NOP14: variants seen among roughly 807,000 people sequenced by gnomAD.
NOP14 encodes the protein nucleolar protein 14.
Under a neutral mutation model 101.6 loss-of-function variants are expected in NOP14, and 57 were observed. The observed-to-expected ratio is 0.56, with a 90% CI of 0.45 to 0.70. NOP14 has a LOEUF of 0.70. NOP14 is among the 30% of genes least tolerant of loss of function. The pLI is 0.00. For synonymous variants in NOP14, 428 were observed against 424.0 expected, an observed-to-expected ratio of 1.01 and a Z score of -0.12; for missense variants, 1,134 against 1,075.5, an observed-to-expected ratio of 1.05 and a Z score of -0.76.
intron 1 of NOP14, among the ~76,000 whole-genome samples, chr4:2,958,483 A>G (rs1715499170): frequency 1.3e-5 from 2 of 152,226 alleles, no homozygotes; most frequent in Non-Finnish European, 2.9e-5. Flanking sequence ...AGGAACTGCC[A>G]TTACACTGGT....
intron 1 of NOP14, chr4:2,961,597 C>T (rs913549398): frequency 6.6e-6 from 1 of 152,298 alleles, no homozygotes; most frequent in Non-Finnish European, 1.5e-5. Flanking sequence ...CCTGCTGTCC[C>T]TCAGACAGCT....
chr4:2,957,918 C>A (rs1169509781), intron 1 of NOP14, among the ~76,000 whole-genome samples, 178 bp from the exon 2 acceptor site: 1 of 152,138 alleles, frequency 6.6e-6, no homozygotes, highest in Non-Finnish European at 1.5e-5. Flanking sequence ...TTGAGAAGAG[C>A]AAAACAACTT....
chr4:2,944,263 C>A (rs747432832), intron 12 of NOP14, 37 bp from the exon 13 acceptor site: 11 of 1,592,516 alleles, frequency 6.9e-6, no homozygotes, highest in Non-Finnish European at 9.4e-6. Context: ...TGTCCTGGGA[C>A]GATGTCATGC....
chr4:2,954,725 A>C (rs1251389416), intron 3 of NOP14, among the ~76,000 whole-genome samples, 162 bp from the exon 4 acceptor site: 3 of 152,210 alleles, frequency 2.0e-5, no homozygotes, highest in Non-Finnish European at 4.4e-5. Context: ...CCACAGGCAC[A>C]ATGGCACTTG....
At chr4:2,962,651 A>C (rs747304198) in intron 1 of NOP14, among the ~76,000 whole-genome samples, 1 of 151,932 alleles carries the variant, frequency 6.6e-6, no homozygotes, top group South Asian at 2.1e-4. Flanking sequence ...TATGTTCCTC[A>C]GTGAAAATTT....
chr4:2,956,862 CA>C (rs200756250), intron 2 of NOP14, 51 bp from the exon 3 acceptor site: 46,494 of 1,036,982 alleles, frequency 0.045, no homozygotes, highest in South Asian at 0.071. Context: ...CATTTCACAG[CA>C]AAAAAAAAAA....
chr4:2,947,875 C>A (rs867329023), intron 9 of NOP14, among the ~76,000 whole-genome samples: 14 of 152,250 alleles, frequency 9.2e-5, no homozygotes, highest in African/African-American at 2.7e-4. Context: ...TAGGAAAGCA[C>A]GACGAGGAAC....
In NOP14 at chr4:2,961,150, T is replaced by C. The variant is rs1236715547; in HGVS notation, c.195+1975A>G. ...ATAATAATATATTAATATACTAATA[T>C]AATAATATATTAATATGCTATTACA... is the stretch of plus-strand genomic sequence containing the variant. On this transcript the variant is annotated intron_variant, in intron 1 of 17. Coordinates refer to ENST00000416614, the MANE Select transcript of NOP14 (RefSeq NM_001291978.2). Among the ~76,000 whole-genome samples the C allele has an allele frequency of 5.0e-3, 220 of 43,606 alleles. 5 individuals carry two copies. The highest frequency in any genetic ancestry group is 0.023 in the African/African-American group (197 of 8,442). The allele number at this position is 43,606 out of a possible 152,430, so 28.6% of individuals were successfully genotyped here.
chr4:2,938,056 C>T lies in NOP14; in HGVS notation c.*775G>A. On this transcript the variant is annotated 3_prime_UTR_variant, in exon 18 of 18. Coordinates refer to ENST00000416614, the MANE Select transcript of NOP14 (RefSeq NM_001291978.2). ...ATCCCCAGTCCCCATGAGGCTTGTC[C>T]AGACGCAGTGAACCAGTCGCAGCTG... 2.0e-6 allele frequency: 1 copy of T among 490,418 alleles called. No individual in the cohort carries two copies. The highest frequency in any genetic ancestry group is 3.2e-6 in the Non-Finnish European group (1 of 309,948). The allele number at this position is 490,418 out of a possible 1,614,324, so 30.4% of individuals were successfully genotyped here.
intron 4 of NOP14, 96 bp downstream of exon 4, chr4:2,954,328 C>A: frequency 1.4e-6 from 2 of 1,386,810 alleles, no homozygotes; most frequent in South Asian, 2.8e-5. Flanking sequence ...AAATATTAAA[C>A]ACAGCCTAAA....
Position 2,939,566 on chromosome 4 carries a change from G to C in NOP14, c.2279C>G (p.Pro760Arg). The C allele has an allele frequency of 1.2e-6, 2 of 1,613,986 alleles. No individual in the cohort carries two copies. Among genetic ancestry groups the C allele is most frequent in the Non-Finnish European group, 8.5e-7 (1 of 1,180,022 alleles). The change falls in exon 16 of 18, where the codon CCT becomes CGT. Residue 760 changes from proline to arginine, a missense_variant. Transcript: ENST00000416614. ...CRPLTCEKSK[P>R]VPLKLFTPRL... ...GGGTGTGAAAAGCTTCAGTGGGACAGGCTTGCTCTTCTCACAGGTCAGCGG... is the reference window on the plus strand; with the variant it reads ...GGGTGTGAAAAGCTTCAGTGGGACACGCTTGCTCTTCTCACAGGTCAGCGG...
At position 2,949,947 on chromosome 4, in the gene NOP14, G is replaced by A; in HGVS notation, c.1269C>T (p.Pro423=). ...GCACTTGCCCACCTGCGAACGTGTA[G>A]GGCAGCTCGTCTCTGGTAGCTTTTC... The part of the protein sequence containing the change: ...RAGKATRDEL[P]YTFAAPESYE... Residue 423 remains proline (P), a synonymous_variant, in exon 8 of 18, where the codon CCC becomes CCT. Transcript: ENST00000416614. The A allele has an allele frequency of 6.2e-7, 1 of 1,614,180 alleles. No individual in the cohort carries two copies. The highest frequency in any genetic ancestry group is 8.5e-7 in the Non-Finnish European group (1 of 1,180,022).
In NOP14 at chr4:2,951,340, C is replaced by T. The variant is rs185974434; in HGVS notation, c.871-95G>A. 6.6e-4 allele frequency: 751 copies of T among 1,140,448 alleles called. 1 individual carries two copies. The highest frequency in any genetic ancestry group is 4.3e-3 in the Middle Eastern group (21 of 4,912). 70.6% of individuals were successfully genotyped at this position (1,140,448 alleles called of 1,614,324 possible). A position where few individuals can be genotyped will look rare whatever the true frequency, so the allele number is the denominator to read the frequency against. On this transcript the variant is annotated intron_variant, in intron 6 of 17. Transcript: ENST00000416614. ...TGCCCTGGGCAGCGGGCTGGGCCTA[C>T]GGTCCTCCCAGCTCTGAGGCTGGTG...
chr4:2,950,199 A>G lies in NOP14; in HGVS notation c.1017T>C (p.Asn339=). 6.2e-7 allele frequency: 1 copy of G among 1,613,746 alleles called. No homozygotes were observed. Among genetic ancestry groups the G allele is most frequent in the Non-Finnish European group, 8.5e-7 (1 of 1,180,008 alleles). Residue 339 remains asparagine, a synonymous_variant, in exon 8 of 18, where the codon AAT becomes AAC. Transcript: ENST00000416614. ...RLLSYKDGKM[N]VEEDVQEEQS... The stretch of plus-strand genomic sequence containing the variant: ...GCTCTTCCTGGACATCTTCCTCGAC[A>G]TTCATCTTTCCATCCTACCAAGAGC...
intron 3 of NOP14, 74 bp from the exon 4 acceptor site, chr4:2,954,637 C>A: frequency 6.6e-7 from 1 of 1,524,642 alleles, no homozygotes. Flanking sequence ...TAGCACTCTG[C>A]CAGTGCTTCC....
intron 1 of NOP14, 105 bp from the exon 2 acceptor site, chr4:2,957,845 T>TAC: frequency 8.5e-7 from 1 of 1,177,236 alleles, no homozygotes; most frequent in Admixed American, 2.5e-5. Flanking sequence ...TGCACAGTGA[T>TAC]GTCAAAGTTC....
At chr4:2,953,789 G>A in intron 4 of NOP14, 144 bp from the exon 5 acceptor site, 4 of 879,920 alleles carry the variant, frequency 4.5e-6, no homozygotes, top group Non-Finnish European at 5.2e-6. Context: ...CAGGAGAAAT[G>A]AGTATTTTAA....
chr4:2,944,650 G>A lies in NOP14; in HGVS notation c.1738-424C>T, dbSNP rs903675023. On this transcript the variant is annotated intron_variant, in intron 12 of 17. Transcript: ENST00000416614. ...TTGAACTCCCGACCTCAGGTGATCC[G>A]CCCGCCTCAGCCTCCGAAAGTGCTG... 7.2e-5 allele frequency among the ~76,000 whole-genome samples: 11 copies of A among 152,042 alleles called. No homozygotes were observed. The South Asian group carries it at 1.7e-3, about 23-fold the overall frequency.
At chr4:2,963,039 C>T in intron 1 of NOP14, 86 bp downstream of exon 1, 1 of 1,354,954 alleles carries the variant, frequency 7.4e-7, no homozygotes, top group African/African-American at 1.5e-5. Flanking sequence ...AACGAGGAAA[C>T]CGACGCACCG....
Sources: allele counts gnomAD v4.1 joint callset (sites outside exome capture counted in the v4.1 genomes callset), GRCh38; gene constraint gnomAD v4.1.1; transcripts MANE v1.5; gene names NCBI Gene and HGNC (gene_info 2026-07-23, HGNC 2026-07-21).